Variants in CLSTN2 observed in about 807,000 individuals in gnomAD.
CLSTN2 encodes the protein calsyntenin 2, also known as calsyntenin-2.
A neutral mutation model predicts 101.2 loss-of-function variants in CLSTN2; 48 were observed. That is an observed-to-expected ratio of 0.47 (90% CI 0.38 to 0.60). CLSTN2 has a LOEUF of 0.60. Ranked by LOEUF, CLSTN2 falls within the 20% of genes least tolerant of loss-of-function variation. The pLI is 0.00. For missense variants in CLSTN2, 1,160 were observed against 1,238.2 expected (o/e 0.94, Z 0.95); for synonymous variants, 481 against 463.6 (o/e 1.04, Z -0.48).
chr3:139,947,258 A>G (rs1015989368), intron 1 of CLSTN2, among the ~76,000 whole-genome samples: 1 of 152,216 alleles, frequency 6.6e-6, no homozygotes, highest in Non-Finnish European at 1.5e-5. Context: ...GCAGTTAGAA[A>G]ATAACCTACT....
chr3:140,076,625 GTTTTTTTTT>G (rs35645750), intron 1 of CLSTN2, among the ~76,000 whole-genome samples: 14 of 38,070 alleles, frequency 3.7e-4, no homozygotes, highest in East Asian at 9.0e-4. Flanking sequence ...CACCAGCAGT[GTTTTTTTTT>G]TTTTTTTTTT....
chr3:140,401,593 C>T (rs1277423966), intron 2 of CLSTN2, among the ~76,000 whole-genome samples: 1 of 152,180 alleles, frequency 6.6e-6, no homozygotes. Flanking sequence ...GTGATCAGAT[C>T]TTTCCAAGAG....
At chr3:140,343,279 T>C (rs576328327) in intron 2 of CLSTN2, among the ~76,000 whole-genome samples, 2 of 151,898 alleles carry the variant, frequency 1.3e-5, no homozygotes, top group African/African-American at 4.8e-5. Flanking sequence ...GAGGCTGGAG[T>C]TTTGTTAGGT....
At chr3:140,431,200 G>C (rs1052073022) in intron 5 of CLSTN2, among the ~76,000 whole-genome samples, 1 of 152,162 alleles carries the variant, frequency 6.6e-6, no homozygotes, top group African/African-American at 2.4e-5. Context: ...CCAGGTATAG[G>C]GAACCATTGT....
At chr3:140,437,805 A>C (rs2088703707) in intron 5 of CLSTN2, among the ~76,000 whole-genome samples, 1 of 152,216 alleles carries the variant, frequency 6.6e-6, no homozygotes, top group South Asian at 2.1e-4. Context: ...CTCATATGAA[A>C]ATGTTTTTAA....
chr3:140,188,704 A>G (rs185648622), intron 2 of CLSTN2, among the ~76,000 whole-genome samples: 51 of 152,356 alleles, frequency 3.3e-4, no homozygotes, highest in Middle Eastern at 3.4e-3. Context: ...TTGTTTTTTA[A>G]AAAATTAAAT....
intron 2 of CLSTN2, among the ~76,000 whole-genome samples, chr3:140,274,033 G>A (rs982590593): frequency 1.3e-5 from 2 of 152,066 alleles, no homozygotes; most frequent in African/African-American, 4.8e-5. Flanking sequence ...GCCTCCTCCC[G>A]GCTCCAGGGA....
At chr3:139,971,552 C>CA (rs1304467835) in intron 1 of CLSTN2, among the ~76,000 whole-genome samples, 4 of 152,166 alleles carry the variant, frequency 2.6e-5, no homozygotes, top group African/African-American at 9.7e-5. Context: ...TGGCCTGAGA[C>CA]AGGCTTGAAG....
intron 1 of CLSTN2, among the ~76,000 whole-genome samples, chr3:140,146,923 C>A (rs972687828): frequency 6.6e-6 from 1 of 152,200 alleles, no homozygotes; most frequent in African/African-American, 2.4e-5. Flanking sequence ...TATTTAGTAT[C>A]TATTCAGCAC....
At chr3:140,159,953 A>G (rs2010019406) in intron 1 of CLSTN2, among the ~76,000 whole-genome samples, 1 of 152,120 alleles carries the variant, frequency 6.6e-6, no homozygotes, top group Admixed American at 6.6e-5. Context: ...TGGGAGCTAA[A>G]CATTGGGTAC....
intron 5 of CLSTN2, among the ~76,000 whole-genome samples, chr3:140,433,190 A>G (rs1225490806): frequency 3.9e-5 from 6 of 152,214 alleles, no homozygotes; most frequent in African/African-American, 7.2e-5. Flanking sequence ...GAAATATGTC[A>G]TTGGATAGTA....
chr3:140,213,771 A>G (rs1449861977), intron 2 of CLSTN2, among the ~76,000 whole-genome samples: 1 of 152,146 alleles, frequency 6.6e-6, no homozygotes, highest in African/African-American at 2.4e-5. Context: ...TTTTCTTTGC[A>G]GAAGGTCAAC....
At chr3:140,347,759 T>C (rs2087563978) in intron 2 of CLSTN2, among the ~76,000 whole-genome samples, 1 of 152,236 alleles carries the variant, frequency 6.6e-6, no homozygotes. Context: ...TACAGTACCC[T>C]ATCCTAATTT....
intron 8 of CLSTN2, among the ~76,000 whole-genome samples, chr3:140,483,724 T>C (rs1259359107): frequency 2.0e-5 from 3 of 152,210 alleles, no homozygotes; most frequent in East Asian, 1.9e-4. Flanking sequence ...TTTTGATCTT[T>C]GTTGGTTTAA....
At chr3:140,169,938 G>A (rs981862397) in intron 1 of CLSTN2, among the ~76,000 whole-genome samples, 5 of 152,134 alleles carry the variant, frequency 3.3e-5, no homozygotes, top group African/African-American at 1.2e-4. Flanking sequence ...TGAGAAATAA[G>A]TATCTTCATT....
At chr3:140,302,970 AT>A (rs2087075502) in intron 2 of CLSTN2, among the ~76,000 whole-genome samples, 1 of 152,158 alleles carries the variant, frequency 6.6e-6, no homozygotes, top group African/African-American at 2.4e-5. Flanking sequence ...TGAGTTCTCC[AT>A]CTCTGTCCAG....
intron 1 of CLSTN2, among the ~76,000 whole-genome samples, chr3:140,015,682 A>T (rs2007186132): frequency 6.6e-6 from 1 of 152,206 alleles, no homozygotes; most frequent in East Asian, 1.9e-4. Context: ...GATGAGTTTG[A>T]TTTACCTGTT....
At chr3:140,447,505 C>T (rs2108008082) in intron 5 of CLSTN2, among the ~76,000 whole-genome samples, 1 of 152,322 alleles carries the variant, frequency 6.6e-6, no homozygotes, top group South Asian at 2.1e-4. Context: ...GTGTTGATTG[C>T]TGTGTTCTTG....
rs80313518 is a variant in CLSTN2, at chr3:140,141,583, A to G, written c.110-34368A>G. Among the ~76,000 whole-genome samples the G allele has an allele frequency of 9.0e-3, 1,367 of 152,328 alleles. 22 individuals carry two copies. The highest frequency in any genetic ancestry group is 0.03 in the African/African-American group (1,235 of 41,570). ...CCTTGGCCTGGCCAGTACAGGGAAC[A>G]GCTGCTAACAACAAAATCTGCCACT... On this transcript the variant is annotated intron_variant, in intron 1 of 16. Transcript: ENST00000458420.
Sources: allele counts gnomAD v4.1 joint callset (sites outside exome capture counted in the v4.1 genomes callset), GRCh38; gene constraint gnomAD v4.1.1; transcripts MANE v1.5; gene names NCBI Gene and HGNC (gene_info 2026-07-23, HGNC 2026-07-21).